Variants in MID1 observed in about 807,000 individuals in gnomAD.
The protein encoded by MID1 is midline 1.
In MID1, 7 loss-of-function variants were observed where a neutral mutation model predicts 40.4. The ratio of observed to expected loss-of-function variants is 0.17; its 90% CI spans 0.10 to 0.33. The LOEUF (loss-of-function observed/expected upper bound fraction) is 0.33. MID1 is among the 10% of genes least tolerant of loss of function. The pLI is 1.00. For missense variants in MID1, 367 were observed against 558.5 expected, an observed-to-expected ratio of 0.66 and a Z score of 3.46; for synonymous variants, 229 against 221.2, an observed-to-expected ratio of 1.04 and a Z score of -0.31.
intron 1 of MID1, among the ~76,000 whole-genome samples, chrX:10,748,300 T>C (rs2043574435): frequency 9.0e-6 from 1 of 111,539 alleles, no homozygotes; most frequent in African/African-American, 3.3e-5. Context: ...TTCCACAGGA[T>C]AGAGAACAAT....
intron 1 of MID1, among the ~76,000 whole-genome samples, chrX:10,786,153 T>C (rs1391417806): frequency 3.6e-5 from 4 of 111,209 alleles, no homozygotes; most frequent in South Asian, 3.8e-4. Flanking sequence ...AAAAAGTGGG[T>C]GAAGGATATG....
intron 3 of MID1, chrX:10,506,260 T>G (rs766083638): frequency 6.7e-5 from 67 of 1,006,312 alleles, no homozygotes; most frequent in Admixed American, 9.2e-5. Flanking sequence ...AAAAAGAGAC[T>G]TGTGCTATCA....
intron 2 of MID1, among the ~76,000 whole-genome samples, chrX:10,545,719 T>C (rs767733662): frequency 8.1e-5 from 9 of 111,741 alleles, no homozygotes; most frequent in Non-Finnish European, 1.7e-4. Flanking sequence ...GTATGATGAT[T>C]GCTTCTGAAT....
intron 1 of MID1, among the ~76,000 whole-genome samples, chrX:10,713,210 T>G (rs1380641273): frequency 1.8e-5 from 2 of 112,173 alleles, no homozygotes; most frequent in Non-Finnish European, 3.8e-5. Context: ...CCGGCCTAGT[T>G]CACTGTGCTT....
At chrX:10,543,219 T>C (rs1172420205) in intron 2 of MID1, among the ~76,000 whole-genome samples, 8 of 112,387 alleles carry the variant, frequency 7.1e-5, no homozygotes, top group Admixed American at 6.6e-4. Context: ...CTTGGGTTTA[T>C]CTGATTCCAA....
At chrX:10,646,335 C>T (rs1256725308) in intron 1 of MID1, among the ~76,000 whole-genome samples, 2 of 111,913 alleles carry the variant, frequency 1.8e-5, no homozygotes, top group African/African-American at 6.5e-5. Context: ...AAATTACTTC[C>T]AGCTTTTTGC....
chrX:10,573,321 C>T (rs1934788644), intron 1 of MID1, among the ~76,000 whole-genome samples: 1 of 111,941 alleles, frequency 8.9e-6, no homozygotes, highest in Non-Finnish European at 1.9e-5. Context: ...TTATTTAGCT[C>T]GTGGCTCCAC....
chrX:10,523,630 T>C (rs1199727480), intron 2 of MID1, among the ~76,000 whole-genome samples: 1 of 112,309 alleles, frequency 8.9e-6, no homozygotes, highest in African/African-American at 3.2e-5. Context: ...GAGGAAGGTT[T>C]GAATTGTTTA....
intron 4 of MID1, among the ~76,000 whole-genome samples, chrX:10,488,975 A>G (rs2080682): frequency 9.1e-6 from 1 of 109,323 alleles, no homozygotes; most frequent in South Asian, 3.9e-4. Flanking sequence ...CTCTCTCTCT[A>G]TATATATATA....
intron 2 of MID1, among the ~76,000 whole-genome samples, chrX:10,551,007 C>A (rs915669706): frequency 9.0e-6 from 1 of 111,481 alleles, no homozygotes. Context: ...CGTTCCAGGA[C>A]CCCTATGAAT....
chrX:10,555,212 C>T (rs150282627), intron 2 of MID1, among the ~76,000 whole-genome samples: 1,144 of 111,882 alleles, frequency 0.01, 9 homozygotes, highest in South Asian at 0.03. Flanking sequence ...AGCATCCAGC[C>T]GGCTTTTTTC....
At chrX:10,466,804 A>G (rs1929409284) in intron 7 of MID1, among the ~76,000 whole-genome samples, 1 of 112,191 alleles carries the variant, frequency 8.9e-6, no homozygotes, top group African/African-American at 3.2e-5. Context: ...ATTCCACGTT[A>G]AGTTTATGGT....
At chrX:10,601,766 T>A (rs60033487) in intron 1 of MID1, among the ~76,000 whole-genome samples, 2 of 111,736 alleles carry the variant, frequency 1.8e-5, no homozygotes, top group Non-Finnish European at 3.8e-5. Context: ...CATTTTTTTT[T>A]CCAATTATTG....
At chrX:10,601,300 T>C (rs889903147) in intron 1 of MID1, among the ~76,000 whole-genome samples, 2 of 112,225 alleles carry the variant, frequency 1.8e-5, no homozygotes, top group Non-Finnish European at 3.8e-5. Context: ...GCCGCCTATG[T>C]ACCAAATCCA....
At chrX:10,728,436 T>C (rs1442715063) in intron 1 of MID1, among the ~76,000 whole-genome samples, 1 of 112,140 alleles carries the variant, frequency 8.9e-6, no homozygotes, top group Non-Finnish European at 1.9e-5. Flanking sequence ...TGTGCTCCTT[T>C]TCCCCCGCTC....
intron 7 of MID1, among the ~76,000 whole-genome samples, chrX:10,466,146 A>C (rs1232838264): frequency 9.0e-6 from 1 of 110,965 alleles, no homozygotes; most frequent in Non-Finnish European, 1.9e-5. Context: ...TCATCTCTCC[A>C]TTTTCTACCT....
chrX:10,524,401 TA>T (rs112846166), intron 2 of MID1, among the ~76,000 whole-genome samples: 72 of 105,543 alleles, frequency 6.8e-4, no homozygotes, highest in South Asian at 5.7e-3. Context: ...GCTGATGAGC[TA>T]AAAAAAAAAA....
At chrX:10,729,604 A>C (rs1012897173) in intron 1 of MID1, among the ~76,000 whole-genome samples, 1 of 112,354 alleles carries the variant, frequency 8.9e-6, no homozygotes, top group African/African-American at 3.2e-5. Context: ...GTGATTATTT[A>C]TAAAATAATG....
chrX:10,458,660 A>G (rs1010823409), intron 8 of MID1, among the ~76,000 whole-genome samples: 1 of 111,939 alleles, frequency 8.9e-6, no homozygotes, highest in Non-Finnish European at 1.9e-5. Context: ...CTATATGGGT[A>G]CCAAGTGGGA....
Sources: gnomAD v4.1 joint callset for allele counts (sites outside exome capture counted in the v4.1 genomes callset) on GRCh38, gnomAD v4.1.1 for gene constraint, MANE v1.5 for transcripts, NCBI Gene and HGNC (gene_info 2026-07-23, HGNC 2026-07-21) for gene names.